SOS2: variants seen among roughly 807,000 people sequenced by gnomAD.
SOS2 encodes the protein son of sevenless homolog 2.
Under a neutral mutation model 148.2 loss-of-function variants are expected in SOS2, and 65 were observed. That is an observed-to-expected ratio of 0.44 (90% CI 0.36 to 0.54). The LOEUF (loss-of-function observed/expected upper bound fraction) is 0.54. Ranked by LOEUF, SOS2 falls within the 20% of genes least tolerant of loss-of-function variation. The probability of loss-of-function intolerance (pLI) is 0.00; values close to 1 mark genes in which losing one functional copy is unlikely to be tolerated. For missense variants in SOS2, 1,341 were observed against 1,590.2 expected (o/e 0.84, Z 2.67); for synonymous variants, 539 against 537.1 (o/e 1.00, Z -0.05).
intron 16 of SOS2, among the ~76,000 whole-genome samples, chr14:50,142,949 T>G (rs1235589972): frequency 6.6e-6 from 1 of 152,162 alleles, no homozygotes; most frequent in Admixed American, 6.6e-5. Flanking sequence ...TAACTTGTTA[T>G]CCTTTACTTA....
chr14:50,134,632 A>C (rs557614460), intron 18 of SOS2, among the ~76,000 whole-genome samples: 1 of 152,194 alleles, frequency 6.6e-6, no homozygotes, highest in Non-Finnish European at 1.5e-5. Flanking sequence ...ATCCACAATG[A>C]AGTTTTGATA....
intron 14 of SOS2, among the ~76,000 whole-genome samples, chr14:50,146,916 G>A (rs941855170): frequency 2.0e-5 from 3 of 151,966 alleles, no homozygotes; most frequent in African/African-American, 7.2e-5. Flanking sequence ...AAAACAAGCT[G>A]AGGTGCAGTG....
chr14:50,118,161 G>T lies in SOS2; in HGVS notation c.*183C>A. ...CAAGGCAATGCTACTGATCACCTGAGGATAATGGTGAAGGACTTTTGTATT... is the reference window on the plus strand; with the variant it reads ...CAAGGCAATGCTACTGATCACCTGATGATAATGGTGAAGGACTTTTGTATT... On this transcript the variant is annotated 3_prime_UTR_variant, in exon 23 of 23. Coordinates refer to ENST00000216373, the MANE Select transcript of SOS2 (RefSeq NM_006939.4). 1 of 600,170 alleles carries T rather than the reference G, an allele frequency of 1.7e-6. No individual in the cohort carries two copies. Among genetic ancestry groups the T allele is most frequent in the Admixed American group, 3.1e-5 (1 of 31,998 alleles). 37.2% of individuals were successfully genotyped at this position (600,170 alleles called of 1,614,324 possible). A position where few individuals can be genotyped will look rare whatever the true frequency, so the allele number is the denominator to read the frequency against.
intron 5 of SOS2, among the ~76,000 whole-genome samples, chr14:50,185,283 C>A (rs910196426): frequency 3.3e-5 from 5 of 152,008 alleles, no homozygotes; most frequent in Non-Finnish European, 5.9e-5. Flanking sequence ...TAAATAATGT[C>A]AAAATTGAGC....
chr14:50,215,341 C>T, intron 1 of SOS2: 1 of 1,241,660 alleles, frequency 8.1e-7, no homozygotes, highest in South Asian at 1.4e-5. Context: ...TGAAAACAGT[C>T]ATAAAAATAA....
rs1885505478 is a variant in SOS2, at chr14:50,175,863, C to CAAAATATTACCATA, written c.970-1312_970-1311insTATGGTAATATTTT. Among the ~76,000 whole-genome samples the CAAAATATTACCATA allele has an allele frequency of 2.0e-5, 3 of 152,294 alleles. No individual in the cohort carries two copies. In the South Asian group the frequency reaches 6.2e-4, roughly 32 times the overall value. On this transcript the variant is annotated intron_variant, in intron 7 of 22. Transcript: ENST00000216373. ...TTCATAAATATTACCATAATTTTCA[C>CAAAATATTACCATA]ATTTTGTTAAATTATAATCTTTTCA... is the stretch of plus-strand genomic sequence containing the variant.
At chr14:50,144,231 C>T (rs1425810258) in intron 16 of SOS2, among the ~76,000 whole-genome samples, 1 of 151,602 alleles carries the variant, frequency 6.6e-6, no homozygotes. Context: ...TGATAGAAAA[C>T]CTTGATGCCA....
chr14:50,117,592 C>T lies in SOS2; in HGVS notation c.*752G>A, dbSNP rs1267108100. The T allele has an allele frequency of 6.6e-6, 1 of 152,118 alleles. No individual in the cohort carries two copies. The highest frequency in any genetic ancestry group is 2.4e-5 in the African/African-American group (1 of 41,426). 9.4% of individuals were successfully genotyped at this position (152,118 alleles called of 1,614,324 possible). ...CTTTAAATATACAATATAAACAAAA[C>T]TGTACATACATGGCATATTAACTGT... On this transcript the variant is annotated 3_prime_UTR_variant, in exon 23 of 23. Coordinates refer to ENST00000216373, the MANE Select transcript of SOS2 (RefSeq NM_006939.4).
chr14:50,167,240 T>C (rs1885197086), intron 8 of SOS2, among the ~76,000 whole-genome samples: 1 of 152,182 alleles, frequency 6.6e-6, no homozygotes. Context: ...CTTTATGGTC[T>C]TTTTTAAGAG....
At chr14:50,229,120 C>A (rs117376903) in intron 1 of SOS2, among the ~76,000 whole-genome samples, 1 of 152,012 alleles carries the variant, frequency 6.6e-6, no homozygotes, top group Non-Finnish European at 1.5e-5. Context: ...AAAGAGTGAA[C>A]CTTTAGCTCC....
chr14:50,185,990 G>A (rs2139723624), intron 5 of SOS2, among the ~76,000 whole-genome samples: 1 of 152,204 alleles, frequency 6.6e-6, no homozygotes, highest in South Asian at 2.1e-4. Context: ...GGGTCTTAGG[G>A]TTAAATTAGA....
intron 11 of SOS2, among the ~76,000 whole-genome samples, chr14:50,157,471 T>G (rs1177002034): frequency 6.6e-6 from 1 of 152,120 alleles, no homozygotes; most frequent in Non-Finnish European, 1.5e-5. Flanking sequence ...AGTAGGCTAA[T>G]AAATTTATTT....
chr14:50,210,942 G>C (rs1029248665), intron 1 of SOS2, among the ~76,000 whole-genome samples: 48 of 152,054 alleles, frequency 3.2e-4, no homozygotes, highest in African/African-American at 8.2e-4. Flanking sequence ...CTACTGGAAT[G>C]TAAAATGTTT....
At position 50,117,786 on chromosome 14, in the gene SOS2, A is replaced by T. The variant is rs1883337970; in HGVS notation, c.*558T>A. On this transcript the variant is annotated 3_prime_UTR_variant, in exon 23 of 23. Coordinates refer to ENST00000216373, the MANE Select transcript of SOS2 (RefSeq NM_006939.4). ...CTTACAGTGCCATTCTATTATTTTCATCCTACTTTTCATTTTTGTCTTCAG... is the reference window on the plus strand; with the variant it reads ...CTTACAGTGCCATTCTATTATTTTCTTCCTACTTTTCATTTTTGTCTTCAG... The T allele has an allele frequency of 6.6e-6, 1 of 152,258 alleles. No individual in the cohort carries two copies. Among genetic ancestry groups the T allele is most frequent in the South Asian group, 2.1e-4 (1 of 4,838 alleles). The allele number at this position is 152,258 out of a possible 1,614,324, so 9.4% of individuals were successfully genotyped here.
At chr14:50,222,641 G>C (rs1887234198) in intron 1 of SOS2, among the ~76,000 whole-genome samples, 1 of 152,188 alleles carries the variant, frequency 6.6e-6, no homozygotes, top group Non-Finnish European at 1.5e-5. Flanking sequence ...AGAAAATTCA[G>C]CAAGTACAAA....
chr14:50,194,291 C>T (rs894170919), intron 4 of SOS2, among the ~76,000 whole-genome samples: 18 of 152,036 alleles, frequency 1.2e-4, no homozygotes, highest in African/African-American at 4.1e-4. Context: ...ATATTTATCC[C>T]CTGGCCCTTT....
At chr14:50,141,628 A>G (rs781211699) in intron 16 of SOS2, among the ~76,000 whole-genome samples, 1 of 152,216 alleles carries the variant, frequency 6.6e-6, no homozygotes, top group Non-Finnish European at 1.5e-5. Flanking sequence ...CTGAGTAAAT[A>G]AAGAGATAAA....
intron 18 of SOS2, among the ~76,000 whole-genome samples, chr14:50,136,412 A>G (rs4898648): frequency 0.87 from 131,884 of 152,048 alleles, 57,294 homozygotes; most frequent in East Asian, 0.92. Context: ...TCTGAGATAT[A>G]AATACTAAAA....
intron 21 of SOS2, among the ~76,000 whole-genome samples, chr14:50,128,056 G>A (rs1318459605): frequency 2.0e-5 from 3 of 152,158 alleles, no homozygotes; most frequent in Admixed American, 6.5e-5. Context: ...TAAGTCATAT[G>A]TATTATCTTT....
Sources: gnomAD v4.1 joint callset for allele counts (sites outside exome capture counted in the v4.1 genomes callset) on GRCh38, gnomAD v4.1.1 for gene constraint, MANE v1.5 for transcripts, NCBI Gene and HGNC (gene_info 2026-07-23, HGNC 2026-07-21) for gene names.